ERBB4: variants seen among roughly 807,000 people sequenced by gnomAD.
ERBB4 encodes receptor tyrosine-protein kinase erbB-4.
Under a neutral mutation model 158.0 loss-of-function variants are expected in ERBB4, and 42 were observed. That is an observed-to-expected ratio of 0.27 (90% CI 0.21 to 0.34). The LOEUF (loss-of-function observed/expected upper bound fraction) is 0.34, where lower values mean the gene tolerates loss of function less well. Among genes scored for constraint, ERBB4 ranks in the 10% least tolerant of loss-of-function variants. The pLI, the probability that ERBB4 is intolerant of heterozygous loss-of-function variation, is 1.00. For missense variants in ERBB4, 1,333 were observed against 1,624.1 expected (o/e 0.82, Z 3.08); for synonymous variants, 583 against 558.7 (o/e 1.04, Z -0.61).
intron 15 of ERBB4, among the ~76,000 whole-genome samples, chr2:211,659,224 G>A (rs570903776): frequency 6.6e-6 from 1 of 152,040 alleles, no homozygotes; most frequent in African/African-American, 2.4e-5. Flanking sequence ...ATTCCTGCTA[G>A]CTTAAAAATT....
chr2:212,192,552 G>A (rs2082305279), intron 1 of ERBB4, among the ~76,000 whole-genome samples: 1 of 151,994 alleles, frequency 6.6e-6, no homozygotes, highest in Admixed American at 6.6e-5. Flanking sequence ...TGGGCAAATG[G>A]TGAGAAATGA....
At chr2:211,744,072 T>C (rs930509753) in intron 5 of ERBB4, among the ~76,000 whole-genome samples, 1 of 152,182 alleles carries the variant, frequency 6.6e-6, no homozygotes, top group African/African-American at 2.4e-5. Flanking sequence ...TTTACAACAT[T>C]CTTTAAGTTG....
intron 1 of ERBB4, among the ~76,000 whole-genome samples, chr2:212,236,306 G>A (rs1053856471): frequency 6.6e-6 from 1 of 152,168 alleles, no homozygotes; most frequent in African/African-American, 2.4e-5. Context: ...TTGCATCCCA[G>A]GGATGAAACC....
intron 2 of ERBB4, among the ~76,000 whole-genome samples, chr2:212,006,162 T>C (rs1319330161): frequency 6.6e-6 from 1 of 152,190 alleles, no homozygotes; most frequent in Non-Finnish European, 1.5e-5. Flanking sequence ...CATAATAGTG[T>C]TTGGAGGTAT....
chr2:211,811,387 C>T (rs2076752744), intron 3 of ERBB4, among the ~76,000 whole-genome samples: 3 of 152,130 alleles, frequency 2.0e-5, no homozygotes, highest in African/African-American at 7.2e-5. Context: ...AGATCCGCTG[C>T]TAGGCTGATG....
chr2:211,694,623 T>C (rs2072946222), intron 12 of ERBB4, among the ~76,000 whole-genome samples: 1 of 151,494 alleles, frequency 6.6e-6, no homozygotes, highest in Admixed American at 6.6e-5. Context: ...AAAAGGAAAA[T>C]CTTAGAAGTA....
At chr2:211,726,186 G>T (rs967840016) in intron 5 of ERBB4, among the ~76,000 whole-genome samples, 1 of 151,958 alleles carries the variant, frequency 6.6e-6, no homozygotes, top group African/African-American at 2.4e-5. Context: ...AGCTTTCTTT[G>T]TTCCTACCTT....
At chr2:212,282,387 C>T (rs974632403) in intron 1 of ERBB4, among the ~76,000 whole-genome samples, 5 of 151,868 alleles carry the variant, frequency 3.3e-5, no homozygotes, top group African/African-American at 1.2e-4. Flanking sequence ...CTGGAAAGCA[C>T]TTTTTAAAAA....
chr2:211,511,434 G>A (rs933754040), intron 20 of ERBB4, among the ~76,000 whole-genome samples: 1 of 151,828 alleles, frequency 6.6e-6, no homozygotes, highest in Admixed American at 6.6e-5. Context: ...GATATTCTAA[G>A]AAGTAACACA....
intron 5 of ERBB4, among the ~76,000 whole-genome samples, chr2:211,730,154 T>TG (rs1283188407): frequency 1.3e-5 from 2 of 152,024 alleles, no homozygotes; most frequent in African/African-American, 4.8e-5. Context: ...ATAAGAACTA[T>TG]GGCTTAATTA....
intron 3 of ERBB4, among the ~76,000 whole-genome samples, chr2:211,887,437 TC>T (rs771696202): frequency 2.6e-5 from 4 of 152,150 alleles, no homozygotes; most frequent in Admixed American, 6.5e-5. Context: ...TAATAATAGC[TC>T]TAAAATGCCA....
chr2:211,501,616 A>G (rs2065619452), intron 20 of ERBB4, among the ~76,000 whole-genome samples: 1 of 152,010 alleles, frequency 6.6e-6, no homozygotes, highest in Non-Finnish European at 1.5e-5. Flanking sequence ...ATACATATGG[A>G]TGCTTAAGTA....
intron 2 of ERBB4, among the ~76,000 whole-genome samples, chr2:211,993,285 T>C (rs190928420): frequency 6.6e-6 from 1 of 152,286 alleles, no homozygotes; most frequent in Admixed American, 6.5e-5. Flanking sequence ...TTGAGATTCA[T>C]GCTCACAGCG....
chr2:212,013,054 T>C (rs572974728), intron 2 of ERBB4, among the ~76,000 whole-genome samples: 2 of 149,276 alleles, frequency 1.3e-5, no homozygotes, highest in African/African-American at 4.9e-5. Context: ...CAAGAAATAC[T>C]TTCCTTTTTT....
intron 2 of ERBB4, among the ~76,000 whole-genome samples, chr2:212,008,080 A>C (rs2076297607): frequency 6.6e-6 from 1 of 152,018 alleles, no homozygotes; most frequent in East Asian, 1.9e-4. Context: ...TCAAGTTAAC[A>C]TTTTTCATTT....
intron 13 of ERBB4, among the ~76,000 whole-genome samples, chr2:211,676,162 T>C (rs1343573114): frequency 6.6e-6 from 1 of 152,136 alleles, no homozygotes; most frequent in Non-Finnish European, 1.5e-5. Flanking sequence ...CATCAGCCAA[T>C]GTTGAAAGAA....
At chr2:211,718,122 G>A (rs2073981158) in intron 7 of ERBB4, among the ~76,000 whole-genome samples, 1 of 152,088 alleles carries the variant, frequency 6.6e-6, no homozygotes, top group South Asian at 2.1e-4. Context: ...ATGTTGGCCA[G>A]GCTGGTCTCA....
intron 25 of ERBB4, among the ~76,000 whole-genome samples, chr2:211,391,540 G>A (rs1293369439): frequency 6.6e-6 from 1 of 152,092 alleles, no homozygotes; most frequent in African/African-American, 2.4e-5. Context: ...CCTGGTGGGG[G>A]GGTTTGTAAG....
chr2:212,159,264 GTT>G (rs72054973), intron 1 of ERBB4, among the ~76,000 whole-genome samples: 4,995 of 141,212 alleles, frequency 0.035, 268 homozygotes, highest in African/African-American at 0.12. Context: ...GTGTGTTTTT[GTT>G]TTTTTTTTTT....
Sources: gnomAD v4.1 joint callset for allele counts (sites outside exome capture counted in the v4.1 genomes callset) on GRCh38, gnomAD v4.1.1 for gene constraint, MANE v1.5 for transcripts, NCBI Gene and HGNC (gene_info 2026-07-23, HGNC 2026-07-21) for gene names.